The following RNGTT variants were observed in gnomAD, a reference collection of about 807,000 sequenced individuals.
The protein encoded by RNGTT is mRNA-capping enzyme.
Under a neutral mutation model 79.3 loss-of-function variants are expected in RNGTT, and 33 were observed. The observed-to-expected ratio is 0.42, with a 90% confidence interval of 0.32 to 0.56. RNGTT has a LOEUF of 0.56. RNGTT is among the 20% of genes least tolerant of loss of function. The pLI is 0.17. For synonymous variants in RNGTT, 222 were observed against 235.9 expected (o/e 0.94, Z 0.54); for missense variants, 497 against 739.1 (o/e 0.67, Z 3.80).
At chr6:88,956,198 A>T (rs912327543) in intron 1 of RNGTT, among the ~76,000 whole-genome samples, 11 of 152,134 alleles carry the variant, frequency 7.2e-5, no homozygotes, top group African/African-American at 2.6e-4. Flanking sequence ...AATATAAAAG[A>T]TCATTCAATA....
At chr6:88,639,841 CATTT>C (rs1382675664) in intron 14 of RNGTT, among the ~76,000 whole-genome samples, 1 of 152,176 alleles carries the variant, frequency 6.6e-6, no homozygotes, top group Non-Finnish European at 1.5e-5. Flanking sequence ...GGAATTTATT[CATTT>C]GTTTTCTCTT....
At chr6:88,698,260 A>AAATATATATATGATATATATTTCAT (rs1562202296) in intron 13 of RNGTT, among the ~76,000 whole-genome samples, 1,083 of 95,362 alleles carry the variant, frequency 0.011, 147 homozygotes, top group African/African-American at 0.095. Flanking sequence ...TATATATATA[A>AAATATATATATGATATATATTTCAT]ATATATATGA....
intron 4 of RNGTT, among the ~76,000 whole-genome samples, chr6:88,908,697 A>G (rs1449548404): frequency 6.6e-6 from 1 of 152,056 alleles, no homozygotes; most frequent in Non-Finnish European, 1.5e-5. Context: ...GCAAAACACC[A>G]CCATAGGGCC....
intron 1 of RNGTT, among the ~76,000 whole-genome samples, chr6:88,961,945 A>G (rs1436084445): frequency 6.6e-6 from 1 of 152,264 alleles, no homozygotes; most frequent in Non-Finnish European, 1.5e-5. Flanking sequence ...TGGTATACCC[A>G]GAACAATAAA....
At chr6:88,863,873 G>C (rs181340297) in intron 8 of RNGTT, among the ~76,000 whole-genome samples, 1 of 152,210 alleles carries the variant, frequency 6.6e-6, no homozygotes, top group East Asian at 1.9e-4. Context: ...TGTAATTCCA[G>C]ACTCAATAGT....
intron 7 of RNGTT, 49 bp downstream of exon 7, chr6:88,891,757 T>A (rs1287894588): frequency 2.5e-6 from 3 of 1,205,352 alleles, no homozygotes; most frequent in Non-Finnish European, 3.4e-6. Flanking sequence ...GTATTAAGTG[T>A]TGTAAAATAA....
rs1389350886 is a variant in RNGTT at position 88,930,034 on chromosome 6, ATATATGCATATATACATATACATG to A, written c.175-791_175-768del. Among the ~76,000 whole-genome samples, 55 of 111,732 alleles carry A rather than the reference ATATATGCATATATACATATACATG, an allele frequency of 4.9e-4. 1 individual carries two copies. The highest frequency in any genetic ancestry group is 1.6e-3 in the African/African-American group (50 of 31,372). The allele number at this position is 111,732 out of a possible 152,430, so 73.3% of individuals were successfully genotyped here. A position where few individuals can be genotyped will look rare whatever the true frequency, so the allele number is the denominator to read the frequency against. On this transcript the variant is annotated intron_variant, in intron 2 of 15. Coordinates refer to ENST00000369485, the MANE Select transcript of RNGTT (RefSeq NM_003800.5). Reference sequence around the variant, plus strand: ...TGCATATGTATACACATATATGCATATATATGCATATATACATATACATGTATATGCATATGTATACATATACAT... The same window carrying A: ...TGCATATGTATACACATATATGCATATATATGCATATGTATACATATACAT...
intron 6 of RNGTT, among the ~76,000 whole-genome samples, chr6:88,900,131 T>C (rs1201652244): frequency 9.3e-6 from 1 of 107,914 alleles, no homozygotes; most frequent in Non-Finnish European, 2.0e-5. Flanking sequence ...TACTCAAATA[T>C]GCAAAAAAAA....
intron 13 of RNGTT, among the ~76,000 whole-genome samples, chr6:88,765,420 T>G (rs1217488726): frequency 1.3e-5 from 2 of 152,310 alleles, no homozygotes; most frequent in African/African-American, 4.8e-5. Flanking sequence ...ATTTATTTAT[T>G]GAGTTTTATG....
chr6:88,760,022 G>A (rs1181426452), intron 13 of RNGTT, among the ~76,000 whole-genome samples: 1 of 152,034 alleles, frequency 6.6e-6, no homozygotes, highest in Non-Finnish European at 1.5e-5. Flanking sequence ...TAAGCGAAAG[G>A]TACTAATGTA....
At chr6:88,701,027 C>CA (rs1294306325) in intron 13 of RNGTT, among the ~76,000 whole-genome samples, 2 of 151,626 alleles carry the variant, frequency 1.3e-5, no homozygotes, top group African/African-American at 4.8e-5. Flanking sequence ...ATAAATCTGT[C>CA]AGAGTTCAAA....
intron 13 of RNGTT, among the ~76,000 whole-genome samples, chr6:88,750,826 T>G (rs1777816672): frequency 6.6e-6 from 1 of 152,162 alleles, no homozygotes; most frequent in South Asian, 2.1e-4. Flanking sequence ...ACAATGACAA[T>G]GTTTTCATAT....
chr6:88,678,252 G>C (rs754459547), intron 14 of RNGTT, 101 bp downstream of exon 14: 19 of 1,483,664 alleles, frequency 1.3e-5, no homozygotes, highest in Admixed American at 2.1e-5. Context: ...CAAAGTGCTG[G>C]AACACGATAT....
At chr6:88,942,148 A>T (rs1784870564) in intron 1 of RNGTT, among the ~76,000 whole-genome samples, 1 of 151,984 alleles carries the variant, frequency 6.6e-6, no homozygotes, top group Non-Finnish European at 1.5e-5. Context: ...CTCCAACCTG[A>T]TACTAAAAAG....
chr6:88,939,078 G>A (rs539058056), intron 2 of RNGTT, among the ~76,000 whole-genome samples: 3 of 152,250 alleles, frequency 2.0e-5, no homozygotes, highest in Admixed American at 6.5e-5. Context: ...ACTATAACGC[G>A]TTGTGGAGAA....
chr6:88,747,666 T>C (rs889908341), intron 13 of RNGTT, among the ~76,000 whole-genome samples: 6 of 152,136 alleles, frequency 3.9e-5, no homozygotes, highest in Non-Finnish European at 7.4e-5. Context: ...GGACATAAAA[T>C]AGGACAAACT....
At chr6:88,663,654 C>T (rs887896790) in intron 14 of RNGTT, among the ~76,000 whole-genome samples, 1 of 152,144 alleles carries the variant, frequency 6.6e-6, no homozygotes, top group African/African-American at 2.4e-5. Context: ...ACATCGAAGC[C>T]CACAGCCCCT....
chr6:88,656,517 G>A (rs1183557395), intron 14 of RNGTT, among the ~76,000 whole-genome samples: 1 of 152,040 alleles, frequency 6.6e-6, no homozygotes, highest in Non-Finnish European at 1.5e-5. Flanking sequence ...TAGAAAACTT[G>A]AGAGAACATT....
intron 1 of RNGTT, among the ~76,000 whole-genome samples, chr6:88,952,273 C>A (rs1302013150): frequency 6.6e-6 from 1 of 152,148 alleles, no homozygotes; most frequent in Non-Finnish European, 1.5e-5. Flanking sequence ...AAGCCCCACC[C>A]AAGGAGAGTC....
Sources: gnomAD v4.1 joint callset for allele counts (sites outside exome capture counted in the v4.1 genomes callset) on GRCh38, gnomAD v4.1.1 for gene constraint, MANE v1.5 for transcripts, NCBI Gene and HGNC (gene_info 2026-07-23, HGNC 2026-07-21) for gene names.